The following SETD5 variants were observed in gnomAD, a reference collection of about 807,000 sequenced individuals.
The protein encoded by SETD5 is histone-lysine N-methyltransferase SETD5.
SETD5 carries 44 observed loss-of-function variants against 153.3 expected under a neutral mutation model. The ratio of observed to expected loss-of-function variants is 0.29; its 90% CI spans 0.23 to 0.37. The LOEUF (loss-of-function observed/expected upper bound fraction) is 0.37. Ranked by LOEUF, SETD5 falls within the 10% of genes least tolerant of loss-of-function variation. SETD5 has a pLI of 1.00. For synonymous variants in SETD5, 716 were observed against 645.2 expected, an observed-to-expected ratio of 1.11 and a Z score of -1.66; for missense variants, 1,544 against 1,768.0, an observed-to-expected ratio of 0.87 and a Z score of 2.27.
At chr3:9,417,692 AG>A (rs2037702388) in intron 1 of SETD5, among the ~76,000 whole-genome samples, 1 of 151,750 alleles carries the variant, frequency 6.6e-6, no homozygotes, top group Non-Finnish European at 1.5e-5. Context: ...TCACCATGTT[AG>A]CCAGGATGGT....
At chr3:9,452,989 T>C (rs1441477434) in intron 16 of SETD5, among the ~76,000 whole-genome samples, 1 of 152,196 alleles carries the variant, frequency 6.6e-6, no homozygotes, top group Non-Finnish European at 1.5e-5. Flanking sequence ...TACATAATCT[T>C]ATTATCCTAA....
At chr3:9,464,998 GC>G (rs1308997762) in intron 18 of SETD5, 1 of 339,334 alleles carries the variant, frequency 2.9e-6, no homozygotes, top group Non-Finnish European at 5.7e-6. Flanking sequence ...GTCAAAATAG[GC>G]CTCTAGCTGC....
At chr3:9,466,320 A>G (rs2044579721) in intron 18 of SETD5, among the ~76,000 whole-genome samples, 1 of 151,192 alleles carries the variant, frequency 6.6e-6, no homozygotes, top group Non-Finnish European at 1.5e-5. Flanking sequence ...GAAAATCAGA[A>G]GGTAAGTCAC....
rs763520286 is a variant in SETD5, at chr3:9,442,079, G to A, written c.960-49G>A. On this transcript the variant is annotated intron_variant, in intron 9 of 22. Transcript: ENST00000402198. The stretch of plus-strand genomic sequence containing the variant: ...GCTTCATATTTGGAGTCATGGGGTG[G>A]CCTTCTTATTTGTGTTGAGAATTAC... The A allele has an allele frequency of 2.2e-5, 27 of 1,240,870 alleles. No individual in the cohort carries two copies. In the East Asian group the frequency reaches 6.3e-4, roughly 29 times the overall value. 76.9% of individuals were successfully genotyped at this position (1,240,870 alleles called of 1,614,324 possible).
intron 19 of SETD5, among the ~76,000 whole-genome samples, chr3:9,471,899 A>G (rs1397995549): frequency 6.6e-6 from 1 of 152,148 alleles, no homozygotes; most frequent in Admixed American, 6.5e-5. Flanking sequence ...TTTCATTATA[A>G]TGATATTACC....
intron 3 of SETD5, chr3:9,431,229 A>G (rs574908516): frequency 2.1e-5 from 21 of 985,214 alleles, no homozygotes; most frequent in Non-Finnish European, 2.4e-5. Context: ...TGAATTTCCA[A>G]CTCTACCATA....
At chr3:9,420,073 AT>A (rs1253498068) in intron 1 of SETD5, among the ~76,000 whole-genome samples, 1 of 152,200 alleles carries the variant, frequency 6.6e-6, no homozygotes, top group African/African-American at 2.4e-5. Context: ...CATCATCTTT[AT>A]TTGGTACTTA....
rs2041353423 is a variant in SETD5 at position 9,442,022 on chromosome 3, G to A, written c.960-106G>A. 9.6e-5 allele frequency: 77 copies of A among 799,882 alleles called. 2 individuals are homozygous for A. The South Asian group carries it at 1.3e-3, about 13-fold the overall frequency. 49.5% of individuals were successfully genotyped at this position (799,882 alleles called of 1,614,324 possible). A position where few individuals can be genotyped will look rare whatever the true frequency, so the allele number is the denominator to read the frequency against. ...TGATGCTTTCCCAAGTTTAGGCGTT[G>A]CAAAAGACTGCTGCTGCTTCTCTCA... On this transcript the variant is annotated intron_variant, in intron 9 of 22. Coordinates refer to ENST00000402198, the MANE Select transcript of SETD5 (RefSeq NM_001080517.3).
At chr3:9,403,200 C>A (rs2035093266) in intron 1 of SETD5, among the ~76,000 whole-genome samples, 1 of 152,090 alleles carries the variant, frequency 6.6e-6, no homozygotes, top group Non-Finnish European at 1.5e-5. Context: ...ATACTATTAA[C>A]CCCAAATTTG....
Position 9,475,544 on chromosome 3 carries a change from C to T in SETD5, c.3782C>T (p.Pro1261Leu). 1.2e-6 allele frequency: 2 copies of T among 1,613,922 alleles called. No individual in the cohort carries two copies. The highest frequency in any genetic ancestry group is 1.7e-6 in the Non-Finnish European group (2 of 1,179,870). ...SQSLLQQSSS[P>L]FRGHPTQSPG... ...AGCCTCCTTCAGCAGAGTTCCTCCC[C>T]CTTCAGAGGACATCCTACACAGTCT... is the stretch of plus-strand genomic sequence containing the variant. Residue 1261 changes from proline (P) to leucine (L), a missense_variant, in exon 23 of 23, where the codon CCC (proline) becomes CTC (leucine). This residue lies in a region of SETD5 where 302 missense variants were observed against 277.6 expected (regional missense o/e 1.09). Transcript: ENST00000402198.
intron 1 of SETD5, among the ~76,000 whole-genome samples, chr3:9,401,554 A>G (rs2034783451): frequency 6.6e-6 from 1 of 152,108 alleles, no homozygotes; most frequent in Non-Finnish European, 1.5e-5. Flanking sequence ...TGACTATTTC[A>G]TTTTTACCTT....
rs1553641753 is a variant in SETD5 at position 9,475,867 on chromosome 3, C to CTGAG, written c.4107_4110dup (p.Ser1371GlufsTer10). On this transcript the variant is annotated frameshift_variant, in exon 23 of 23. Transcript: ENST00000402198. LOFTEE classifies it high-confidence loss of function. ...AGTTTCTCAGTCCAGCACAGGAACT[C>CTGAG]TGAGTTCCACCTCCTTTCCTCAGAA... is the stretch of plus-strand genomic sequence containing the variant. The CTGAG allele has an allele frequency of 1.2e-6, 2 of 1,614,058 alleles. No homozygotes were observed.
At position 9,448,668 on chromosome 3, in the gene SETD5, G is replaced by T. The variant is rs187073560; in HGVS notation, c.2346+38G>T. ...TTTTGTGTGTGTGTTGTGTTTATGTGTGTGTGCTTTATTTTTTTAAGCCTA... is the reference window on the plus strand; with the variant it reads ...TTTTGTGTGTGTGTTGTGTTTATGTTTGTGTGCTTTATTTTTTTAAGCCTA... On this transcript the variant is annotated intron_variant, in intron 16 of 22. Coordinates refer to ENST00000402198, the MANE Select transcript of SETD5 (RefSeq NM_001080517.3). 4,089 of 1,464,346 alleles carry T rather than the reference G, an allele frequency of 2.8e-3. 11 individuals are homozygous for T. Among genetic ancestry groups the T allele is most frequent in the Non-Finnish European group, 3.5e-3 (3,830 of 1,103,576 alleles). The allele number at this position is 1,464,346 out of a possible 1,614,324, so 90.7% of individuals were successfully genotyped here.
chr3:9,423,564 CTTTA>C (rs1386989436), intron 1 of SETD5, among the ~76,000 whole-genome samples: 1 of 152,060 alleles, frequency 6.6e-6, no homozygotes, highest in Non-Finnish European at 1.5e-5. Flanking sequence ...CCTTGATTTA[CTTTA>C]TTTCTTCCTT....
chr3:9,461,333 A>T (rs1156688115), intron 17 of SETD5, among the ~76,000 whole-genome samples: 1 of 152,212 alleles, frequency 6.6e-6, no homozygotes, highest in African/African-American at 2.4e-5. Context: ...TCATTGTCAT[A>T]AAATGTTGAC....
In SETD5 at chr3:9,440,607, G is replaced by A. The variant is rs756127804; in HGVS notation, c.719G>A (p.Ser240Asn). 3 of 1,613,934 alleles carry A rather than the reference G, an allele frequency of 1.9e-6. No individual in the cohort carries two copies. The Admixed American group carries it at 5.0e-5, about 27-fold the overall frequency. ...GCGCTTGAACAACACCTACATTCTA[G>A]CAAGGAATTTGTGGGCAAACCTACT... ...QNALEQHLHSSKEFVGKPTIL... is the reference protein window; with the variant it reads ...QNALEQHLHSNKEFVGKPTIL... Residue 240 changes from serine (S) to asparagine (N), a missense_variant, in exon 8 of 23, where the codon AGC becomes AAC. Around this residue, in one of 9 missense-constraint regions of SETD5, gnomAD observed 251 missense variants for 326.9 expected, o/e 0.77. Coordinates refer to ENST00000402198, the MANE Select transcript of SETD5 (RefSeq NM_001080517.3).
At chr3:9,403,067 A>AG (rs1373053479) in intron 1 of SETD5, among the ~76,000 whole-genome samples, 2 of 151,924 alleles carry the variant, frequency 1.3e-5, no homozygotes, top group African/African-American at 2.4e-5. Context: ...TTGGTGGGGG[A>AG]GGGGCAGGAG....
At chr3:9,416,545 A>G (rs549662343) in intron 1 of SETD5, among the ~76,000 whole-genome samples, 29 of 152,318 alleles carry the variant, frequency 1.9e-4, no homozygotes, top group African/African-American at 6.3e-4. Context: ...AATGATTAAG[A>G]CTTTTTTTAA....
At chr3:9,427,046 T>C (rs2039357160) in intron 2 of SETD5, among the ~76,000 whole-genome samples, 1 of 152,120 alleles carries the variant, frequency 6.6e-6, no homozygotes, top group Non-Finnish European at 1.5e-5. Flanking sequence ...CATGGCTGGC[T>C]GATATTTTTT....
Sources: allele counts gnomAD v4.1 joint callset (sites outside exome capture counted in the v4.1 genomes callset), GRCh38; gene constraint gnomAD v4.1.1; regional missense constraint gnomAD v4.1.1; transcripts MANE v1.5; gene names NCBI Gene and HGNC (gene_info 2026-07-23, HGNC 2026-07-21).